KIRREL3: variants seen among roughly 807,000 people sequenced by gnomAD.
KIRREL3 encodes the protein kirre like nephrin family adhesion molecule 3.
KIRREL3 carries 36 observed loss-of-function variants against 89.7 expected under a neutral mutation model. That is an observed-to-expected ratio of 0.40 (90% CI 0.31 to 0.53). The LOEUF (loss-of-function observed/expected upper bound fraction) is 0.53. Ranked by LOEUF, KIRREL3 falls within the 20% of genes least tolerant of loss-of-function variation. The probability of loss-of-function intolerance (pLI) is 0.49; values close to 1 mark genes in which losing one functional copy is unlikely to be tolerated. For missense variants in KIRREL3, 864 were observed against 1,056.6 expected (o/e 0.82, Z 2.53); for synonymous variants, 445 against 441.4 (o/e 1.01, Z -0.10).
chr11:126,431,349 C>G lies in KIRREL3; in HGVS notation c.1696+70G>C. ...TTCATTGCACTCCTGCTTACTTGCT[C>G]TCCGGGGCAGCCTAAGCCTGGCCTT... On this transcript the variant is annotated intron_variant, in intron 14 of 16. Transcript: ENST00000525144. The surrounding 1 kb of genome is among the most constrained non-coding windows in gnomAD (Gnocchi z 7.1). 1 of 1,585,894 alleles carries G rather than the reference C, an allele frequency of 6.3e-7. No homozygotes were observed. The highest frequency in any genetic ancestry group is 8.6e-7 in the Non-Finnish European group (1 of 1,166,134).
intron 1 of KIRREL3, among the ~76,000 whole-genome samples, chr11:126,695,010 G>A (rs762476762): frequency 2.0e-5 from 3 of 152,174 alleles, no homozygotes; most frequent in South Asian, 2.1e-4. Context: ...TGGCTGAATC[G>A]GGCTGCTGTT....
rs148376495 is a variant in KIRREL3 at position 126,593,972 on chromosome 11, A to G, written c.56-31060T>C. On this transcript the variant is annotated intron_variant, in intron 1 of 16. Coordinates refer to ENST00000525144, the MANE Select transcript of KIRREL3 (RefSeq NM_032531.4). ...CTGTACTCTGCTCAGTGGTGGATGC[A>G]GATGACAAATCACAAAGAGAGAACA... Among the ~76,000 whole-genome samples, 10 of 152,340 alleles carry G rather than the reference A, an allele frequency of 6.6e-5. No individual in the cohort carries two copies. The East Asian group carries it at 1.4e-3, about 21-fold the overall frequency.
At position 126,684,276 on chromosome 11, in the gene KIRREL3, C is replaced by T. The variant is rs1040434803; in HGVS notation, c.56-121364G>A. On this transcript the variant is annotated intron_variant, in intron 1 of 16. Transcript: ENST00000525144. This position sits in a 1 kb window ranked among gnomAD's most constrained non-coding sequence, Gnocchi z 4.2. ...CCTGGGCTTGCTGGACCCATTTCTG[C>T]CCTTCTGAAAGCGGGAGTTAGACTA... 2.0e-5 allele frequency among the ~76,000 whole-genome samples: 3 copies of T among 152,232 alleles called. No individual in the cohort carries two copies. The highest frequency in any genetic ancestry group is 4.4e-5 in the Non-Finnish European group (3 of 68,036).
In KIRREL3 at chr11:126,904,158, T is replaced by G. The variant is rs1164051332; in HGVS notation, c.55+96297A>C. Among the ~76,000 whole-genome samples, 4 of 152,202 alleles carry G rather than the reference T, an allele frequency of 2.6e-5. No homozygotes were observed. The highest frequency in any genetic ancestry group is 9.7e-5 in the African/African-American group (4 of 41,448). On this transcript the variant is annotated intron_variant, in intron 1 of 16. Transcript: ENST00000525144. The surrounding 1 kb of genome is among the most constrained non-coding windows in gnomAD (Gnocchi z 4.4). ...AAACTGCCTCACTCTAAGAGAACCA[T>G]ACCCTTTGAAGCCTCTTTTTAACAC...
At chr11:126,880,193 A>C (rs1251525111) in intron 1 of KIRREL3, among the ~76,000 whole-genome samples, 3 of 152,192 alleles carry the variant, frequency 2.0e-5, no homozygotes, top group African/African-American at 7.2e-5. Context: ...AATTACAAAG[A>C]GCCTGGAATC....
Position 126,734,279 on chromosome 11 carries a change from A to G in KIRREL3, c.56-171367T>C, listed in dbSNP as rs1311040994. On this transcript the variant is annotated intron_variant, in intron 1 of 16. Transcript: ENST00000525144. The surrounding 1 kb of genome is among the most constrained non-coding windows in gnomAD (Gnocchi z 5.9). Reference sequence around the variant, plus strand: ...GGATCTATGGCAGGTTCTTGGGGTCATTTATAAATAAGTGCTATACTTTAA... The same window carrying G: ...GGATCTATGGCAGGTTCTTGGGGTCGTTTATAAATAAGTGCTATACTTTAA... Among the ~76,000 whole-genome samples the G allele has an allele frequency of 6.6e-6, 1 of 152,222 alleles. No homozygotes were observed. Among genetic ancestry groups the G allele is most frequent in the East Asian group, 1.9e-4 (1 of 5,202 alleles).
At chr11:126,512,952 C>T (rs1958272751) in intron 4 of KIRREL3, among the ~76,000 whole-genome samples, 1 of 152,170 alleles carries the variant, frequency 6.6e-6, no homozygotes, top group South Asian at 2.1e-4. Context: ...GCATCATCAG[C>T]CCCTGTCTCA....
In KIRREL3 at chr11:126,501,400, G is replaced by C. The variant is rs1225467218; in HGVS notation, c.433+19915C>G. Among the ~76,000 whole-genome samples, 1 of 152,242 alleles carries C rather than the reference G, an allele frequency of 6.6e-6. No individual in the cohort carries two copies. Among genetic ancestry groups the C allele is most frequent in the Non-Finnish European group, 1.5e-5 (1 of 68,042 alleles). On this transcript the variant is annotated intron_variant, in intron 4 of 16. Coordinates refer to ENST00000525144, the MANE Select transcript of KIRREL3 (RefSeq NM_032531.4). This position sits in a 1 kb window ranked among gnomAD's most constrained non-coding sequence, Gnocchi z 5.8. ...GCTTGGGGCCTGGGGTGCAGTCTTAGAGACTAAGGAGGCTCCTCTGGGGAG... is the reference window on the plus strand; with the variant it reads ...GCTTGGGGCCTGGGGTGCAGTCTTACAGACTAAGGAGGCTCCTCTGGGGAG...
Position 126,747,308 on chromosome 11 carries a change from A to G in KIRREL3, c.56-184396T>C, listed in dbSNP as rs1230231378. On this transcript the variant is annotated intron_variant, in intron 1 of 16. Transcript: ENST00000525144. This position sits in a 1 kb window ranked among gnomAD's most constrained non-coding sequence, Gnocchi z 4.7. ...GGCTGTTGTATGAGGATTAAATAAAATACTGGGGATAGAGCTCTTTGCTCA... is the reference window on the plus strand; with the variant it reads ...GGCTGTTGTATGAGGATTAAATAAAGTACTGGGGATAGAGCTCTTTGCTCA... Among the ~76,000 whole-genome samples the G allele has an allele frequency of 1.3e-5, 2 of 152,228 alleles. No homozygotes were observed. Among genetic ancestry groups the G allele is most frequent in the East Asian group, 3.8e-4 (2 of 5,196 alleles).
In KIRREL3 at chr11:126,904,735, A is replaced by G. The variant is rs1946506572; in HGVS notation, c.55+95720T>C. Among the ~76,000 whole-genome samples, 1 of 152,204 alleles carries G rather than the reference A, an allele frequency of 6.6e-6. No individual in the cohort carries two copies. The highest frequency in any genetic ancestry group is 1.5e-5 in the Non-Finnish European group (1 of 68,040). ...AAAGGAGGAAGTATGCATAATGTAC[A>G]TATTTAATCTTGTCTCGTCTATTTT... On this transcript the variant is annotated intron_variant, in intron 1 of 16. Transcript: ENST00000525144. This position sits in a 1 kb window ranked among gnomAD's most constrained non-coding sequence, Gnocchi z 4.4.
rs1464693279 is a variant in KIRREL3, at chr11:126,651,750, AT to A, written c.56-88839del. On this transcript the variant is annotated intron_variant, in intron 1 of 16. Transcript: ENST00000525144. The surrounding 1 kb of genome is among the most constrained non-coding windows in gnomAD (Gnocchi z 4.6). ...TATAATAAGCTAATTAGTTTAAATTATTTGTACTTGTACAAGGTCTTGAAAC... is the reference window on the plus strand; with the variant it reads ...TATAATAAGCTAATTAGTTTAAATTATTGTACTTGTACAAGGTCTTGAAAC... Among the ~76,000 whole-genome samples, 2 of 152,224 alleles carry A rather than the reference AT, an allele frequency of 1.3e-5. No homozygotes were observed. The highest frequency in any genetic ancestry group is 4.8e-5 in the African/African-American group (2 of 41,454).
chr11:126,460,879 C>T (rs931175117), intron 6 of KIRREL3, among the ~76,000 whole-genome samples: 4 of 152,222 alleles, frequency 2.6e-5, no homozygotes, highest in Non-Finnish European at 4.4e-5. Flanking sequence ...TAGATTGTCA[C>T]TTTTGTCCAG....
At position 126,656,823 on chromosome 11, in the gene KIRREL3, G is replaced by A. The variant is rs1338865288; in HGVS notation, c.56-93911C>T. Among the ~76,000 whole-genome samples, 1 of 152,196 alleles carries A rather than the reference G, an allele frequency of 6.6e-6. No individual in the cohort carries two copies. Among genetic ancestry groups the A allele is most frequent in the African/African-American group, 2.4e-5 (1 of 41,464 alleles). On this transcript the variant is annotated intron_variant, in intron 1 of 16. Coordinates refer to ENST00000525144, the MANE Select transcript of KIRREL3 (RefSeq NM_032531.4). The surrounding 1 kb of genome is among the most constrained non-coding windows in gnomAD (Gnocchi z 4.0). Reference sequence around the variant, plus strand: ...TCCCAGCACTTTGGGAGGCCAAGGTGTGTGCATCGCTTGGGGCTGGGAGTC... The same window carrying A: ...TCCCAGCACTTTGGGAGGCCAAGGTATGTGCATCGCTTGGGGCTGGGAGTC...
intron 1 of KIRREL3, among the ~76,000 whole-genome samples, chr11:126,592,066 TG>T (rs951409115): frequency 6.6e-6 from 1 of 152,178 alleles, no homozygotes; most frequent in African/African-American, 2.4e-5. Flanking sequence ...GCTGAGGCCT[TG>T]CTCACAGCCC....
chr11:126,952,113 C>T (rs1360439395), intron 1 of KIRREL3, among the ~76,000 whole-genome samples: 4 of 152,262 alleles, frequency 2.6e-5, no homozygotes, highest in East Asian at 1.9e-4. Flanking sequence ...TGGCTGGGCA[C>T]GGTGGCTTAC....
chr11:126,865,816 G>A lies in KIRREL3; in HGVS notation c.55+134639C>T, dbSNP rs116664480. On this transcript the variant is annotated intron_variant, in intron 1 of 16. Coordinates refer to ENST00000525144, the MANE Select transcript of KIRREL3 (RefSeq NM_032531.4). ...TTCAGCAGAATTTTTTTTTAAAAGT[G>A]AGAGCTAGAGAAAAATACTTATATA... 3.5e-3 allele frequency among the ~76,000 whole-genome samples: 535 copies of A among 152,304 alleles called. 2 individuals carry two copies. Among genetic ancestry groups the A allele is most frequent in the African/African-American group, 0.012 (513 of 41,546 alleles).
In KIRREL3 at chr11:126,541,977, G is replaced by T. The variant is rs150324321; in HGVS notation, c.134-15290C>A. Among the ~76,000 whole-genome samples, 37 of 152,304 alleles carry T rather than the reference G, an allele frequency of 2.4e-4. No individual in the cohort carries two copies. Among genetic ancestry groups the T allele is most frequent in the African/African-American group, 8.2e-4 (34 of 41,564 alleles). On this transcript the variant is annotated intron_variant, in intron 2 of 16. Transcript: ENST00000525144. This position sits in a 1 kb window ranked among gnomAD's most constrained non-coding sequence, Gnocchi z 4.8. ...ACGGTGGAGGCAGAGCTGAGGCAGC[G>T]CGGGAAGGACCGAGTCCTGCCCTCG...
At chr11:126,552,185 C>T (rs1939318862) in intron 2 of KIRREL3, among the ~76,000 whole-genome samples, 2 of 151,534 alleles carry the variant, frequency 1.3e-5, no homozygotes, top group South Asian at 4.3e-4. Context: ...TATTTTTTAC[C>T]TGCACTTTTC....
intron 1 of KIRREL3, among the ~76,000 whole-genome samples, chr11:126,966,851 TC>T (rs1289974975): frequency 1.3e-5 from 2 of 152,240 alleles, no homozygotes; most frequent in Non-Finnish European, 2.9e-5. Flanking sequence ...CAGCACACTT[TC>T]TGACACAGAG....
Sources: allele counts gnomAD v4.1 joint callset (sites outside exome capture counted in the v4.1 genomes callset), GRCh38; gene constraint gnomAD v4.1.1; non-coding constraint Gnocchi (gnomAD v3.1); transcripts MANE v1.5; gene names NCBI Gene and HGNC (gene_info 2026-07-23, HGNC 2026-07-21).